The following FAM169A variants were observed in gnomAD, a reference collection of about 807,000 sequenced individuals.
FAM169A encodes the protein family with sequence similarity 169 member A.
FAM169A carries 24 observed loss-of-function variants against 75.7 expected under a neutral mutation model. The ratio of observed to expected loss-of-function variants is 0.32; its 90% CI spans 0.23 to 0.45. The LOEUF (loss-of-function observed/expected upper bound fraction) is 0.45, where lower values mean the gene tolerates loss of function less well. Ranked by LOEUF, FAM169A falls within the 20% of genes least tolerant of loss-of-function variation. The pLI is 1.00. For missense variants in FAM169A, 673 were observed against 784.0 expected (o/e 0.86, Z 1.69); for synonymous variants, 271 against 271.0 (o/e 1.00, Z 0.00).
intron 1 of FAM169A, among the ~76,000 whole-genome samples, chr5:74,844,995 TC>T (rs1159917081): frequency 2.0e-5 from 3 of 152,178 alleles, no homozygotes; most frequent in African/African-American, 7.2e-5. Flanking sequence ...AGGCAGAAGA[TC>T]AACTAAAAGT....
intron 2 of FAM169A, among the ~76,000 whole-genome samples, chr5:74,840,591 AG>A: frequency 6.6e-6 from 1 of 151,404 alleles, no homozygotes; most frequent in East Asian, 1.9e-4. Flanking sequence ...CACTCTGGGG[AG>A]GCCAAGGCGG....
At chr5:74,817,428 TAAGA>T (rs1472792805) in intron 5 of FAM169A, among the ~76,000 whole-genome samples, 2 of 151,910 alleles carry the variant, frequency 1.3e-5, no homozygotes, top group African/African-American at 4.8e-5. Context: ...AAAATGGAAT[TAAGA>T]AAACCATTCA....
chr5:74,861,480 T>C (rs1208552791), intron 1 of FAM169A, among the ~76,000 whole-genome samples: 1 of 152,118 alleles, frequency 6.6e-6, no homozygotes, highest in Non-Finnish European at 1.5e-5. Context: ...TCCCAGCACT[T>C]TGGGAGACCA....
intron 5 of FAM169A, among the ~76,000 whole-genome samples, chr5:74,815,919 A>G (rs1000050933): frequency 2.0e-5 from 3 of 152,236 alleles, no homozygotes; most frequent in East Asian, 1.9e-4. Context: ...CTTCTTTAGC[A>G]TATCATCAAG....
intron 1 of FAM169A, among the ~76,000 whole-genome samples, chr5:74,863,001 A>G (rs1159405804): frequency 6.8e-6 from 1 of 148,020 alleles, no homozygotes; most frequent in Non-Finnish European, 1.5e-5. Flanking sequence ...TGGAACAGCT[A>G]GTAACCAAAA....
intron 11 of FAM169A, among the ~76,000 whole-genome samples, chr5:74,784,868 A>G (rs1386707014): frequency 1.4e-5 from 2 of 147,100 alleles, no homozygotes; most frequent in Non-Finnish European, 3.0e-5. Flanking sequence ...GCAGTGAGCC[A>G]AGATCGCGCC....
rs1336369121 is a variant in FAM169A, at chr5:74,780,477, T to C, written c.*983A>G. 1 of 152,042 alleles carries C rather than the reference T, an allele frequency of 6.6e-6. No homozygotes were observed. The highest frequency in any genetic ancestry group is 1.9e-4 in the East Asian group (1 of 5,198). The allele number at this position is 152,042 out of a possible 1,614,324, so 9.4% of individuals were successfully genotyped here. ...CTGTGGGGGAATATAAATAAGACTG[T>C]AGAATTAGGGAGGTGGCAAGATTTA... On this transcript the variant is annotated 3_prime_UTR_variant, in exon 13 of 13. Coordinates refer to ENST00000687041, the MANE Select transcript of FAM169A (RefSeq NM_001376049.1).
At chr5:74,799,006 C>T in intron 10 of FAM169A, 1 of 1,191,706 alleles carries the variant, frequency 8.4e-7, no homozygotes, top group South Asian at 1.2e-5. Flanking sequence ...GTCACTGCAT[C>T]AGTTTTTACT....
chr5:74,823,247 A>C (rs1747853300), intron 5 of FAM169A, among the ~76,000 whole-genome samples: 1 of 152,138 alleles, frequency 6.6e-6, no homozygotes, highest in African/African-American at 2.4e-5. Flanking sequence ...CCACCACCTT[A>C]TTCAGGATGT....
intron 10 of FAM169A, 87 bp downstream of exon 10, chr5:74,800,793 T>C (rs1207517469): frequency 1.1e-5 from 5 of 447,232 alleles, no homozygotes; most frequent in Non-Finnish European, 1.3e-5. Flanking sequence ...ATATTATATA[T>C]AAAATATTAA....
intron 6 of FAM169A, among the ~76,000 whole-genome samples, chr5:74,807,325 A>G (rs1410436127): frequency 6.6e-6 from 1 of 152,200 alleles, no homozygotes; most frequent in African/African-American, 2.4e-5. Context: ...AAACTGTTGA[A>G]TATTTCACAT....
At chr5:74,818,228 T>C (rs928618131) in intron 5 of FAM169A, among the ~76,000 whole-genome samples, 1 of 151,956 alleles carries the variant, frequency 6.6e-6, no homozygotes. Context: ...ACTCACAGAA[T>C]GGGAGAAAAC....
At chr5:74,852,573 T>C (rs576314813) in intron 1 of FAM169A, among the ~76,000 whole-genome samples, 1 of 151,960 alleles carries the variant, frequency 6.6e-6, no homozygotes, top group South Asian at 2.1e-4. Context: ...AGATAAAAAG[T>C]AACAGATGTC....
intron 1 of FAM169A, among the ~76,000 whole-genome samples, chr5:74,849,058 T>C (rs1305448116): frequency 6.6e-6 from 1 of 152,154 alleles, no homozygotes. Context: ...TGACACAGAA[T>C]GGACAGCGAA....
intron 11 of FAM169A, among the ~76,000 whole-genome samples, chr5:74,786,723 T>C (rs1745713591): frequency 6.6e-6 from 1 of 152,184 alleles, no homozygotes; most frequent in Admixed American, 6.5e-5. Flanking sequence ...GAGAGTCTTA[T>C]CTCCTGTAGA....
rs369303949 is a variant in FAM169A at position 74,810,400 on chromosome 5, G to A, written c.670+3440C>T. ...CTAGGTTGCGTCTACAGTAGCAAGG[G>A]TCCATATGTTTGTCAGAAGTCAGCA... On this transcript the variant is annotated intron_variant, in intron 6 of 12. Transcript: ENST00000687041. 2.3e-4 allele frequency among the ~76,000 whole-genome samples: 35 copies of A among 152,170 alleles called. 2 individuals carry two copies. The East Asian group carries it at 4.6e-3, about 20-fold the overall frequency.
At chr5:74,836,864 C>T (rs1748594678) in intron 4 of FAM169A, among the ~76,000 whole-genome samples, 3 of 151,864 alleles carry the variant, frequency 2.0e-5, no homozygotes, top group South Asian at 2.1e-4. Context: ...AGGAGAATTG[C>T]TTGAACCCGG....
At chr5:74,832,094 T>C (rs542334830) in intron 5 of FAM169A, among the ~76,000 whole-genome samples, 1 of 151,940 alleles carries the variant, frequency 6.6e-6, no homozygotes, top group Non-Finnish European at 1.5e-5. Flanking sequence ...AATTTAAAAA[T>C]TTTTTTTACT....
intron 9 of FAM169A, 25 bp from the exon 10 acceptor site, chr5:74,801,055 C>T: frequency 6.7e-7 from 1 of 1,495,788 alleles, no homozygotes; most frequent in South Asian, 1.4e-5. Flanking sequence ...AGCAAAACTG[C>T]ACTTAATTGA....
Sources: gnomAD v4.1 joint callset for allele counts (sites outside exome capture counted in the v4.1 genomes callset) on GRCh38, gnomAD v4.1.1 for gene constraint, MANE v1.5 for transcripts, NCBI Gene and HGNC (gene_info 2026-07-23, HGNC 2026-07-21) for gene names.